The following NUAK1 variants were observed in gnomAD, a reference collection of about 807,000 sequenced individuals.
The protein encoded by NUAK1 is NUAK family kinase 1.
Under a neutral mutation model 56.9 loss-of-function variants are expected in NUAK1, and 26 were observed. That is an observed-to-expected ratio of 0.46 (90% CI 0.33 to 0.63). The LOEUF (loss-of-function observed/expected upper bound fraction) is 0.63. NUAK1 is among the 30% of genes least tolerant of loss of function. The pLI, the probability that NUAK1 is intolerant of heterozygous loss-of-function variation, is 0.02. For missense variants in NUAK1, 727 were observed against 876.1 expected (o/e 0.83, Z 2.15); for synonymous variants, 337 against 336.0 (o/e 1.00, Z -0.03).
At chr12:106,119,911 A>C (rs966338268) in intron 1 of NUAK1, among the ~76,000 whole-genome samples, 1 of 152,224 alleles carries the variant, frequency 6.6e-6, no homozygotes, top group Non-Finnish European at 1.5e-5. Flanking sequence ...CCGATGAGAA[A>C]GATTTCCTGA....
intron 4 of NUAK1, among the ~76,000 whole-genome samples, chr12:106,076,208 C>G (rs2032463510): frequency 6.6e-6 from 1 of 152,144 alleles, no homozygotes; most frequent in African/African-American, 2.4e-5. Context: ...TTAATCCTGC[C>G]CCTCGCTCTA....
chr12:106,106,585 G>A, intron 1 of NUAK1, 60 bp from the exon 2 acceptor site: 2 of 1,535,510 alleles, frequency 1.3e-6, no homozygotes, highest in South Asian at 2.5e-5. Context: ...ATCAGCCATT[G>A]GGGGAGTTTG....
chr12:106,117,802 T>C (rs573400590), intron 1 of NUAK1, among the ~76,000 whole-genome samples: 7 of 152,268 alleles, frequency 4.6e-5, no homozygotes, highest in African/African-American at 4.8e-5. Flanking sequence ...AGTCAGTATA[T>C]AGCCTAACAA....
chr12:106,138,863 G>A lies in NUAK1; in HGVS notation c.-210C>T. 1 of 539,360 alleles carries A rather than the reference G, an allele frequency of 1.9e-6. No individual in the cohort carries two copies. Among genetic ancestry groups the A allele is most frequent in the Non-Finnish European group, 2.8e-6 (1 of 354,186 alleles). The allele number at this position is 539,360 out of a possible 1,614,324, so 33.4% of individuals were successfully genotyped here. A position where few individuals can be genotyped will look rare whatever the true frequency, so the allele number is the denominator to read the frequency against. ...CCGCGGCGCGCACGGTCCGCGCACC[G>A]CCCCCCGGCCGCGGCGAGCTGTGGA... is the stretch of plus-strand genomic sequence containing the variant. On this transcript the variant is annotated 5_prime_UTR_variant, in exon 1 of 7. Coordinates refer to ENST00000261402, the MANE Select transcript of NUAK1 (RefSeq NM_014840.3). This position sits in a 1 kb window ranked among gnomAD's most constrained non-coding sequence, Gnocchi z 5.0.
intron 2 of NUAK1, among the ~76,000 whole-genome samples, chr12:106,091,257 C>T (rs1378857224): frequency 6.6e-6 from 1 of 152,204 alleles, no homozygotes; most frequent in East Asian, 1.9e-4. Context: ...TACCCAGAGG[C>T]CCGGTGGCTC....
chr12:106,066,906 A>T lies in NUAK1; in HGVS notation c.1882T>A (p.Tyr628Asn). ...CTGCTGTCTGCCAGCCGGTTCCGGTACCGCTTCAGGTACTGGGGCCGGGGC... is the reference window on the plus strand; with the variant it reads ...CTGCTGTCTGCCAGCCGGTTCCGGTTCCGCTTCAGGTACTGGGGCCGGGGC... ...NRPRPQYLKR[Y>N]RNRLADSSFS... The change falls in exon 7 of 7, where the codon TAC becomes AAC. Residue 628 changes from tyrosine (Y) to asparagine (N), a missense_variant. Tyr to Asn is a moderately radical substitution (Grantham distance 143, BLOSUM62 -2). Transcript: ENST00000261402. 1 of 1,614,212 alleles carries T rather than the reference A, an allele frequency of 6.2e-7. No homozygotes were observed. The highest frequency in any genetic ancestry group is 8.5e-7 in the Non-Finnish European group (1 of 1,180,024).
chr12:106,132,901 C>T (rs2033093336), intron 1 of NUAK1, among the ~76,000 whole-genome samples: 2 of 152,182 alleles, frequency 1.3e-5, no homozygotes, highest in Non-Finnish European at 1.5e-5. Flanking sequence ...AAGGTCTCTG[C>T]ATTCACATTG....
intron 1 of NUAK1, among the ~76,000 whole-genome samples, chr12:106,113,360 C>T (rs1420140599): frequency 6.6e-6 from 1 of 152,152 alleles, no homozygotes; most frequent in Non-Finnish European, 1.5e-5. Context: ...ACAAACCCGC[C>T]TGAAAAGGAC....
At position 106,125,894 on chromosome 12, in the gene NUAK1, G is replaced by A. The variant is rs754091788; in HGVS notation, c.240+12520C>T. On this transcript the variant is annotated intron_variant, in intron 1 of 6. Transcript: ENST00000261402. ...ACGGCTGGGCTTTGAGCTCACCAGA[G>A]ACACAGACCATTAGTCTCCCCCCTG... Among the ~76,000 whole-genome samples the A allele has an allele frequency of 2.0e-4, 27 of 137,432 alleles. 1 individual carries two copies. The highest frequency in any genetic ancestry group is 1.0e-3 in the South Asian group (4 of 3,864). 90.2% of individuals were successfully genotyped at this position (137,432 alleles called of 152,430 possible).
intron 2 of NUAK1, among the ~76,000 whole-genome samples, chr12:106,101,934 T>C (rs1250694999): frequency 1.3e-5 from 2 of 152,164 alleles, no homozygotes; most frequent in Non-Finnish European, 2.9e-5. Context: ...CCTGGGACTG[T>C]GGTTCCCAGT....
chr12:106,132,498 A>G (rs2033088413), intron 1 of NUAK1, among the ~76,000 whole-genome samples: 3 of 152,232 alleles, frequency 2.0e-5, no homozygotes, highest in African/African-American at 7.2e-5. Context: ...GCTGCTTCCC[A>G]GGAGGAAGCA....
At chr12:106,096,211 T>A (rs1401293990) in intron 2 of NUAK1, among the ~76,000 whole-genome samples, 1 of 151,930 alleles carries the variant, frequency 6.6e-6, no homozygotes, top group African/African-American at 2.4e-5. Context: ...TTTAAGGCAC[T>A]AGAAAATATT....
In NUAK1 at chr12:106,063,380, A is replaced by G. The variant is rs1160058311; in HGVS notation, c.*3422T>C. On this transcript the variant is annotated 3_prime_UTR_variant, in exon 7 of 7. Transcript: ENST00000261402. ...TGCAATTTATTTAATTTAAAAATAA[A>G]AACAGAAACAAAAACCAAAATGAAA... 6.6e-6 allele frequency: 1 copy of G among 152,424 alleles called. No individual in the cohort carries two copies. The highest frequency in any genetic ancestry group is 1.5e-5 in the Non-Finnish European group (1 of 68,044). The allele number at this position is 152,424 out of a possible 1,614,324, so 9.4% of individuals were successfully genotyped here.
intron 2 of NUAK1, among the ~76,000 whole-genome samples, chr12:106,095,190 C>T (rs2032684240): frequency 6.6e-6 from 1 of 152,214 alleles, no homozygotes; most frequent in African/African-American, 2.4e-5. Context: ...CACTCACTCA[C>T]ACAATCCTGA....
At position 106,067,692 on chromosome 12, in the gene NUAK1, G is replaced by A. The variant is rs941006183; in HGVS notation, c.1096C>T (p.Arg366Trp). Reference protein sequence around the residue: ...TTSEVMLERQRSLKKSKKEND... With the variant: ...TTSEVMLERQWSLKKSKKEND... ...TCTTTCTTGGATTTCTTCAGCGACCGCTGCCGCTCTAGCATGACCTCAGAG... is the reference window on the plus strand; with the variant it reads ...TCTTTCTTGGATTTCTTCAGCGACCACTGCCGCTCTAGCATGACCTCAGAG... Residue 366 changes from arginine (R) to tryptophan (W), a missense_variant, in exon 7 of 7, where the codon CGG becomes TGG. Transcript: ENST00000261402. This position sits in a 1 kb window ranked among gnomAD's most constrained non-coding sequence, Gnocchi z 6.0. 2.4e-5 allele frequency: 39 copies of A among 1,614,084 alleles called. No homozygotes were observed. The highest frequency in any genetic ancestry group is 3.3e-4 in the Middle Eastern group (2 of 6,082).
At chr12:106,110,465 GCA>G (rs2032847337) in intron 1 of NUAK1, among the ~76,000 whole-genome samples, 1 of 152,100 alleles carries the variant, frequency 6.6e-6, no homozygotes, top group African/African-American at 2.4e-5. Context: ...CCAAAGAAAT[GCA>G]CAGACATGCC....
intron 4 of NUAK1, among the ~76,000 whole-genome samples, chr12:106,083,596 T>C (rs2032540487): frequency 6.6e-6 from 1 of 152,188 alleles, no homozygotes; most frequent in Non-Finnish European, 1.5e-5. Context: ...GACTATGAGC[T>C]TCCTGAGGAG....
chr12:106,125,352 C>T (rs976811149), intron 1 of NUAK1, among the ~76,000 whole-genome samples: 6 of 152,154 alleles, frequency 3.9e-5, no homozygotes, highest in African/African-American at 1.2e-4. Flanking sequence ...TTCCCAAGCA[C>T]GGAGGCAACT....
At chr12:106,121,393 G>A (rs1430796999) in intron 1 of NUAK1, among the ~76,000 whole-genome samples, 3 of 152,252 alleles carry the variant, frequency 2.0e-5, no homozygotes, top group East Asian at 1.9e-4. Context: ...GTTCTCCCAC[G>A]TGGGTCAGGA....
Sources: allele counts gnomAD v4.1 joint callset (sites outside exome capture counted in the v4.1 genomes callset), GRCh38; gene constraint gnomAD v4.1.1; non-coding constraint Gnocchi (gnomAD v3.1); transcripts MANE v1.5; gene names NCBI Gene and HGNC (gene_info 2026-07-23, HGNC 2026-07-21).